Variants in SMYD5 observed in about 807,000 individuals in gnomAD.
The protein encoded by SMYD5 is protein-lysine N-trimethyltransferase SMYD5.
A neutral mutation model predicts 57.4 loss-of-function variants in SMYD5; 35 were observed. The ratio of observed to expected loss-of-function variants is 0.61; its 90% CI spans 0.47 to 0.81. SMYD5 has a LOEUF of 0.81. Among genes scored for constraint, SMYD5 ranks in the 30% least tolerant of loss-of-function variants. SMYD5 has a pLI of 0.00. For missense variants in SMYD5, 471 were observed against 527.9 expected, an observed-to-expected ratio of 0.89 and a Z score of 1.06; for synonymous variants, 198 against 189.7, an observed-to-expected ratio of 1.04 and a Z score of -0.36.
In SMYD5 at chr2:73,223,430, C is replaced by G; in HGVS notation, c.781C>G (p.Leu261Val). The change falls in exon 9 of 13, where the codon CTA becomes GTA. Residue 261 changes from leucine (L) to valine (V), a missense_variant. Coordinates refer to ENST00000389501, the MANE Select transcript of SMYD5 (RefSeq NM_006062.3). ...GGGCTGCCTGGGACCCCCCAGCTCCCTAAGCCAGTGGGTCCATGCCTGTGA... is the reference window on the plus strand; with the variant it reads ...GGGCTGCCTGGGACCCCCCAGCTCCGTAAGCCAGTGGGTCCATGCCTGTGA... ...TNGQGIGTSS[L>V]SQWVHACDTL... 1 of 1,612,610 alleles carries G rather than the reference C, an allele frequency of 6.2e-7. No individual in the cohort carries two copies. The highest frequency in any genetic ancestry group is 8.5e-7 in the Non-Finnish European group (1 of 1,178,614).
chr2:73,215,599 TC>T (rs1417259257), intron 1 of SMYD5, among the ~76,000 whole-genome samples: 1 of 152,180 alleles, frequency 6.6e-6, no homozygotes, highest in African/African-American at 2.4e-5. Context: ...GTTCCATCAT[TC>T]TTGGTTTGCA....
chr2:73,225,030 G>A (rs1369944632), intron 11 of SMYD5, 70 bp downstream of exon 11: 1 of 1,172,656 alleles, frequency 8.5e-7, no homozygotes, highest in South Asian at 1.3e-5. Flanking sequence ...GGGATCAGGA[G>A]CAGCAGTGGC....
Position 73,221,232 on chromosome 2 carries a change from C to G in SMYD5, c.535C>G (p.Gln179Glu), listed in dbSNP as rs1370517892. Residue 179 changes from glutamine (Q) to glutamate (E), a missense_variant and splice_region_variant, in exon 5 of 13, where the codon CAG becomes GAG. Transcript: ENST00000389501. Reference protein sequence around the residue: ...LMARMVATVKQAKDKDRWIRL... With the variant: ...LMARMVATVKEAKDKDRWIRL... ...GGCTAGGATGGTGGCCACAGTGAAG[C>G]AGGTGAGCCCACCCAACCCTCTCGG... 6.2e-7 allele frequency: 1 copy of G among 1,613,492 alleles called. No homozygotes were observed. Among genetic ancestry groups the G allele is most frequent in the Non-Finnish European group, 8.5e-7 (1 of 1,179,646 alleles).
At chr2:73,216,086 G>C (rs1412571452) in intron 1 of SMYD5, among the ~76,000 whole-genome samples, 1 of 152,112 alleles carries the variant, frequency 6.6e-6, no homozygotes, top group Non-Finnish European at 1.5e-5. Context: ...TTGCTTCTGT[G>C]GATAGGAATG....
intron 10 of SMYD5, among the ~76,000 whole-genome samples, 198 bp downstream of exon 10, chr2:73,224,201 C>T (rs1265292786): frequency 6.6e-6 from 1 of 152,218 alleles, no homozygotes; most frequent in Non-Finnish European, 1.5e-5. Flanking sequence ...GTTCATCCAA[C>T]TGTTTGTGCT....
At chr2:73,216,447 T>C (rs1461611092) in intron 1 of SMYD5, among the ~76,000 whole-genome samples, 1 of 151,542 alleles carries the variant, frequency 6.6e-6, no homozygotes, top group Non-Finnish European at 1.5e-5. Context: ...TCCCAGCACT[T>C]TGGGAGGCCG....
chr2:73,224,766 G>T, intron 10 of SMYD5, 100 bp from the exon 11 acceptor site: 1 of 918,672 alleles, frequency 1.1e-6, no homozygotes, highest in Non-Finnish European at 1.7e-6. Context: ...GCTCAGCCTT[G>T]GCAGGGATGA....
At chr2:73,221,785 GGTGGGTATCT>G (rs1174231277) in intron 5 of SMYD5, 31 bp from the exon 6 acceptor site, 15 of 1,391,522 alleles carry the variant, frequency 1.1e-5, no homozygotes, top group Non-Finnish European at 1.3e-5. Context: ...CCAGTGAGAA[GGTGGGTATCT>G]GTGACCCTTA....
In SMYD5 at chr2:73,221,165, G is replaced by A. The variant is rs1686384863; in HGVS notation, c.468G>A (p.Arg156=). 3 of 1,613,714 alleles carry A rather than the reference G, an allele frequency of 1.9e-6. No homozygotes were observed. The highest frequency in any genetic ancestry group is 2.5e-6 in the Non-Finnish European group (3 of 1,179,676). ...HPLNKLQEAW[R]SIHYPPETAS... ...GCCAATCTTTTTTCTCTTTCCCCAG[G>A]AGTATTCACTACCCACCTGAGACTG... The change falls in exon 5 of 13, where the codon AGG becomes AGA. Residue 156 remains arginine, a splice_region_variant and synonymous_variant. Transcript: ENST00000389501.
chr2:73,221,308 C>A, intron 5 of SMYD5, 74 bp downstream of exon 5: 1 of 1,208,828 alleles, frequency 8.3e-7, no homozygotes, highest in South Asian at 1.2e-5. Context: ...TTTTCCTCAC[C>A]TCAAAGCCCT....
Position 73,221,881 on chromosome 2 carries a change from C to T in SMYD5, c.593C>T (p.Ala198Val), listed in dbSNP as rs765012873. 9.9e-6 allele frequency: 16 copies of T among 1,613,688 alleles called. No homozygotes were observed. The Admixed American group carries it at 2.5e-4, about 25-fold the overall frequency. The stretch of plus-strand genomic sequence containing the variant: ...TTTTCCCAGTTTTGTAACAAAACAG[C>T]CAATGAAGAGGAGGAAATTGTCCAT... ...RLFSQFCNKT[A>V]NEEEEIVHKL... Residue 198 changes from alanine to valine, a missense_variant, in exon 6 of 13, where the codon GCC becomes GTC. By Grantham distance (64) the Ala-to-Val change is moderately conservative. Transcript: ENST00000389501.
chr2:73,220,787 G>A lies in SMYD5; in HGVS notation c.467+5G>A, dbSNP rs1245280928. The A allele has an allele frequency of 6.2e-7, 1 of 1,613,606 alleles. No individual in the cohort carries two copies. Among genetic ancestry groups the A allele is most frequent in the African/African-American group, 1.3e-5 (1 of 74,888 alleles). ...TAAGCTTCAGGAGGCATGGAGGTAG[G>A]TTTCTTTTCCTCTCTTCTTTCCTTT... On this transcript the variant is annotated splice_donor_5th_base_variant and intron_variant, in intron 4 of 12. Coordinates refer to ENST00000389501, the MANE Select transcript of SMYD5 (RefSeq NM_006062.3).
At chr2:73,225,568 G>T in intron 11 of SMYD5, 63 bp from the exon 12 acceptor site, 1 of 1,452,496 alleles carries the variant, frequency 6.9e-7, no homozygotes, top group Non-Finnish European at 9.6e-7. Context: ...GGTAGCTGTT[G>T]GGGAGGTCCT....
chr2:73,216,744 T>G (rs765871718), intron 1 of SMYD5, among the ~76,000 whole-genome samples: 1 of 151,682 alleles, frequency 6.6e-6, no homozygotes, highest in Non-Finnish European at 1.5e-5. Context: ...TTTGCACTAT[T>G]TTTTTTTATA....
chr2:73,223,486 G>A lies in SMYD5; in HGVS notation c.837G>A (p.Glu279=), dbSNP rs780237408. 5.6e-6 allele frequency: 9 copies of A among 1,614,026 alleles called. No homozygotes were observed. Among genetic ancestry groups the A allele is most frequent in the Non-Finnish European group, 7.6e-6 (9 of 1,179,992 alleles). ...DTLELKPQDR[E]QLDAFIDQLY... ...TGGAGTTGAAGCCTCAGGACCGTGA[G>A]CAGCTTGACGCCTTCATTGACCAGC... The change falls in exon 9 of 13, where the codon GAG becomes GAA. Residue 279 remains glutamate (E), a synonymous_variant. Coordinates refer to ENST00000389501, the MANE Select transcript of SMYD5 (RefSeq NM_006062.3).
chr2:73,222,579 G>A (rs1049561249), intron 6 of SMYD5, among the ~76,000 whole-genome samples, 176 bp from the exon 7 acceptor site: 15 of 152,200 alleles, frequency 9.9e-5, no homozygotes, highest in African/African-American at 1.4e-4. Flanking sequence ...GGAACAGGCC[G>A]GCAGACTGCC....
rs187130988 is a variant in SMYD5, at chr2:73,225,050, T to C, written c.1035+90T>C. 5.4e-5 allele frequency: 51 copies of C among 939,104 alleles called. No homozygotes were observed. In the Admixed American group the frequency reaches 9.3e-4, roughly 17 times the overall value. The allele number at this position is 939,104 out of a possible 1,614,324, so 58.2% of individuals were successfully genotyped here. A position where few individuals can be genotyped will look rare whatever the true frequency, so the allele number is the denominator to read the frequency against. ...CAGGAGCAGCAGTGGCTAGAGCACCTTGAAGTTCAGGCTGTTGGGTGGAAT... is the reference window on the plus strand; with the variant it reads ...CAGGAGCAGCAGTGGCTAGAGCACCCTGAAGTTCAGGCTGTTGGGTGGAAT... On this transcript the variant is annotated intron_variant, in intron 11 of 12. Transcript: ENST00000389501.
rs977819396 is a variant in SMYD5, at chr2:73,214,489, C to T, written c.96+127C>T. On this transcript the variant is annotated intron_variant, in intron 1 of 12. Transcript: ENST00000389501. ...CGGACGCTACGGCCCTGCCCCTGCTCGCGGCCCGGGGGCTCCCAGTCTGTC... is the reference window on the plus strand; with the variant it reads ...CGGACGCTACGGCCCTGCCCCTGCTTGCGGCCCGGGGGCTCCCAGTCTGTC... The T allele has an allele frequency of 8.0e-6, 12 of 1,508,568 alleles. No individual in the cohort carries two copies. In the African/African-American group the frequency reaches 1.3e-4, roughly 16 times the overall value. 93.4% of individuals were successfully genotyped at this position (1,508,568 alleles called of 1,614,324 possible).
At position 73,221,222 on chromosome 2, in the gene SMYD5, C is replaced by G. The variant is rs1428763890; in HGVS notation, c.525C>G (p.Ala175=). The change falls in exon 5 of 13, where the codon GCC becomes GCG. Residue 175 remains alanine, a synonymous_variant. Coordinates refer to ENST00000389501, the MANE Select transcript of SMYD5 (RefSeq NM_006062.3). ...ASIMLMARMV[A]TVKQAKDKDR... ...TCATGTTGATGGCTAGGATGGTGGC[C>G]ACAGTGAAGCAGGTGAGCCCACCCA... 6.2e-7 allele frequency: 1 copy of G among 1,613,694 alleles called. No homozygotes were observed. The highest frequency in any genetic ancestry group is 1.7e-5 in the Admixed American group (1 of 59,986).
Sources: gnomAD v4.1 joint callset for allele counts (sites outside exome capture counted in the v4.1 genomes callset) on GRCh38, gnomAD v4.1.1 for gene constraint, MANE v1.5 for transcripts, NCBI Gene and HGNC (gene_info 2026-07-23, HGNC 2026-07-21) for gene names.